AK7: variants seen among roughly 807,000 people sequenced by gnomAD.
AK7 encodes ATP-AMP transphosphorylase 7.
AK7 carries 78 observed loss-of-function variants against 96.6 expected under a neutral mutation model. The ratio of observed to expected loss-of-function variants is 0.81; its 90% CI spans 0.67 to 0.97. The LOEUF (loss-of-function observed/expected upper bound fraction) is 0.97. AK7 is among the 50% of genes least tolerant of loss of function. AK7 has a pLI of 0.00. For synonymous variants in AK7, 302 were observed against 317.2 expected (o/e 0.95, Z 0.51); for missense variants, 855 against 887.9 (o/e 0.96, Z 0.47).
chr14:96,434,415 T>C (rs1277377711), intron 5 of AK7, among the ~76,000 whole-genome samples: 1 of 109,142 alleles, frequency 9.2e-6, no homozygotes. Flanking sequence ...AGTCTCTCTG[T>C]CTGTCTGTCT....
At chr14:96,484,842 A>G (rs1895687000) in intron 16 of AK7, among the ~76,000 whole-genome samples, 1 of 152,216 alleles carries the variant, frequency 6.6e-6, no homozygotes, top group African/African-American at 2.4e-5. Flanking sequence ...GTTGTTCACT[A>G]CCATATATCC....
intron 5 of AK7, among the ~76,000 whole-genome samples, chr14:96,425,480 A>ATTT (rs35861988): frequency 0.17 from 20,038 of 119,032 alleles, 2,609 homozygotes; most frequent in African/African-American, 0.23. Flanking sequence ...AGTCACACTG[A>ATTT]TTTTTTTTTT....
At chr14:96,454,080 T>C in intron 10 of AK7, among the ~76,000 whole-genome samples, 1 of 152,174 alleles carries the variant, frequency 6.6e-6, no homozygotes, top group Non-Finnish European at 1.5e-5. Context: ...CCATCATCCC[T>C]ATCCGATGGG....
chr14:96,400,030 CTTTTTTTTTTTT>C (rs34001068), intron 2 of AK7, among the ~76,000 whole-genome samples: 3 of 86,346 alleles, frequency 3.5e-5, no homozygotes, highest in East Asian at 3.3e-4. Flanking sequence ...CAAAAACAAT[CTTTTTTTTTTTT>C]TTTTTTTTTT....
intron 1 of AK7, 53 bp downstream of exon 1, chr14:96,392,312 T>C: frequency 6.6e-7 from 1 of 1,513,928 alleles, no homozygotes; most frequent in Non-Finnish European, 9.1e-7. Flanking sequence ...CTCCCAGCCC[T>C]CGGCCCCCGG....
At chr14:96,452,479 T>C (rs1893661723) in intron 10 of AK7, among the ~76,000 whole-genome samples, 1 of 151,382 alleles carries the variant, frequency 6.6e-6, no homozygotes, top group Non-Finnish European at 1.5e-5. Flanking sequence ...GTGTGCACCA[T>C]CACATCTGGT....
intron 5 of AK7, among the ~76,000 whole-genome samples, chr14:96,431,358 T>G (rs1427636801): frequency 6.6e-6 from 1 of 152,212 alleles, no homozygotes; most frequent in Non-Finnish European, 1.5e-5. Flanking sequence ...TGTTAGGGTG[T>G]CAATTTTAGA....
At chr14:96,400,400 A>G (rs985295291) in intron 2 of AK7, among the ~76,000 whole-genome samples, 50 of 152,284 alleles carry the variant, frequency 3.3e-4, no homozygotes, top group African/African-American at 1.2e-3. Flanking sequence ...TGCTATCTCT[A>G]TCAATTGGGG....
At chr14:96,407,043 C>T (rs948761989) in intron 3 of AK7, among the ~76,000 whole-genome samples, 9 of 151,964 alleles carry the variant, frequency 5.9e-5, no homozygotes, top group African/African-American at 2.2e-4. Context: ...TTGCCTTTCG[C>T]AGATACTATG....
chr14:96,422,761 C>A (rs976100148), intron 5 of AK7, among the ~76,000 whole-genome samples: 1 of 152,198 alleles, frequency 6.6e-6, no homozygotes, highest in Non-Finnish European at 1.5e-5. Context: ...ATCTTTTATT[C>A]TGTAGCAATA....
chr14:96,448,911 G>A (rs1483640022), intron 8 of AK7, among the ~76,000 whole-genome samples: 2 of 151,944 alleles, frequency 1.3e-5, no homozygotes, highest in African/African-American at 2.4e-5. Context: ...AGCTGAGATC[G>A]TGCCACTGCA....
chr14:96,477,695 T>C (rs1895261508), intron 14 of AK7, among the ~76,000 whole-genome samples: 1 of 152,238 alleles, frequency 6.6e-6, no homozygotes, highest in Admixed American at 6.5e-5. Context: ...ATGATCTGTG[T>C]GTTGAATTTG....
chr14:96,441,658 A>G (rs952848584), intron 6 of AK7, among the ~76,000 whole-genome samples: 4 of 149,726 alleles, frequency 2.7e-5, no homozygotes, highest in Admixed American at 6.6e-5. Context: ...AAAAAAAAAA[A>G]AAAAGAAAAC....
intron 1 of AK7, among the ~76,000 whole-genome samples, chr14:96,393,883 T>C (rs1373754568): frequency 6.6e-6 from 1 of 151,964 alleles, no homozygotes; most frequent in Non-Finnish European, 1.5e-5. Context: ...CCGAGGTGGG[T>C]GGATCACCTG....
chr14:96,429,996 T>G (rs1456771648), intron 5 of AK7, among the ~76,000 whole-genome samples: 1 of 152,196 alleles, frequency 6.6e-6, no homozygotes, highest in Non-Finnish European at 1.5e-5. Flanking sequence ...CTTCCAACAC[T>G]ACGTCAAATA....
At chr14:96,485,581 T>C (rs772616497) in intron 16 of AK7, among the ~76,000 whole-genome samples, 2 of 152,240 alleles carry the variant, frequency 1.3e-5, no homozygotes, top group Non-Finnish European at 2.9e-5. Context: ...GTGCATCACA[T>C]AGTATCCTCA....
At chr14:96,432,601 T>G (rs973319658) in intron 5 of AK7, among the ~76,000 whole-genome samples, 3 of 152,126 alleles carry the variant, frequency 2.0e-5, no homozygotes, top group Non-Finnish European at 2.9e-5. Flanking sequence ...TCTCTCAGCA[T>G]TTGCTTGTCT....
intron 5 of AK7, among the ~76,000 whole-genome samples, chr14:96,435,546 C>T (rs2140077936): frequency 6.6e-6 from 1 of 152,288 alleles, no homozygotes; most frequent in Middle Eastern, 3.4e-3. Context: ...CAGCTGGTGT[C>T]TCAGTATGTT....
At position 96,488,617 on chromosome 14, in the gene AK7, G is replaced by A. The variant is rs754460439; in HGVS notation, c.*274G>A. The A allele has an allele frequency of 6.5e-5, 20 of 307,152 alleles. No homozygotes were observed. The highest frequency in any genetic ancestry group is 5.5e-4 in the South Asian group (8 of 14,424). 19.0% of individuals were successfully genotyped at this position (307,152 alleles called of 1,614,324 possible). On this transcript the variant is annotated 3_prime_UTR_variant, in exon 18 of 18. Transcript: ENST00000267584. ...TTCTTTAGTCAGATCTAAATATACC[G>A]CTTCTGTACACTAATGTTTATAGGT... is the stretch of plus-strand genomic sequence containing the variant.
Sources: allele counts gnomAD v4.1 joint callset (sites outside exome capture counted in the v4.1 genomes callset), GRCh38; gene constraint gnomAD v4.1.1; transcripts MANE v1.5; gene names NCBI Gene and HGNC (gene_info 2026-07-23, HGNC 2026-07-21).